RAPGEF2: variants seen among roughly 807,000 people sequenced by gnomAD.
RAPGEF2 encodes the protein PDZ domain containing guanine nucleotide exchange factor (GEF) 1.
In RAPGEF2, 54 loss-of-function variants were observed where a neutral mutation model predicts 186.7. The ratio of observed to expected loss-of-function variants is 0.29; its 90% CI spans 0.23 to 0.36. RAPGEF2 has a LOEUF of 0.36. RAPGEF2 is among the 10% of genes least tolerant of loss of function. The pLI, the probability that RAPGEF2 is intolerant of heterozygous loss-of-function variation, is 1.00. For synonymous variants in RAPGEF2, 712 were observed against 705.9 expected (o/e 1.01, Z -0.14); for missense variants, 1,532 against 2,045.0 (o/e 0.75, Z 4.84).
In RAPGEF2 at chr4:159,323,958, G is replaced by A. The variant is rs188542338; in HGVS notation, c.1149+341G>A. On this transcript the variant is annotated intron_variant, in intron 11 of 29. Coordinates refer to ENST00000691494, the MANE Select transcript of RAPGEF2 (RefSeq NM_001394067.2). ...GTCTCCCAGGCTGGAGTGCAGTGGC[G>A]CGATCTCAGCTAACTGCAACCTCCA... 7.0e-3 allele frequency among the ~76,000 whole-genome samples: 1,064 copies of A among 151,036 alleles called. 10 individuals are homozygous for A. Among genetic ancestry groups the A allele is most frequent in the African/African-American group, 0.024 (998 of 41,094 alleles).
chr4:159,114,428 T>C (rs903827794), intron 1 of RAPGEF2, among the ~76,000 whole-genome samples: 1 of 151,930 alleles, frequency 6.6e-6, no homozygotes, highest in Admixed American at 6.6e-5. Context: ...TTTAGATCTG[T>C]GTCTTGCTAT....
intron 6 of RAPGEF2, 42 bp downstream of exon 6, chr4:159,241,410 TTTG>T: frequency 1.6e-6 from 2 of 1,231,868 alleles, no homozygotes; most frequent in African/African-American, 1.5e-5. Context: ...TTTCTAGTTT[TTTG>T]TTGGGGTTTT....
chr4:159,195,561 T>G (rs953436916), intron 3 of RAPGEF2, among the ~76,000 whole-genome samples: 3 of 152,164 alleles, frequency 2.0e-5, no homozygotes, highest in Non-Finnish European at 4.4e-5. Flanking sequence ...AACTGAAGCT[T>G]TGAGACGATA....
intron 20 of RAPGEF2, 38 bp downstream of exon 20, chr4:159,341,985 TCA>T (rs1160948922): frequency 6.5e-7 from 1 of 1,529,158 alleles, no homozygotes; most frequent in African/African-American, 1.4e-5. Flanking sequence ...TCAGTTCAGT[TCA>T]CAGATTTAAA....
At chr4:159,296,366 T>C (rs1227942981) in intron 7 of RAPGEF2, among the ~76,000 whole-genome samples, 7 of 152,222 alleles carry the variant, frequency 4.6e-5, no homozygotes, top group African/African-American at 9.6e-5. Flanking sequence ...ACAATTAATA[T>C]TTTTCATGTG....
Position 159,222,919 on chromosome 4 carries a change from TA to T in RAPGEF2, c.281+12337del, listed in dbSNP as rs1269583123. ...GACACTTTTATTATGAGTTGAATTA[TA>T]TATATATATATATATTTGAAGACAA... is the stretch of plus-strand genomic sequence containing the variant. On this transcript the variant is annotated intron_variant, in intron 4 of 29. Transcript: ENST00000691494. Among the ~76,000 whole-genome samples, 338 of 84,050 alleles carry T rather than the reference TA, an allele frequency of 4.0e-3. 2 individuals are homozygous for T. Among genetic ancestry groups the T allele is most frequent in the African/African-American group, 0.02 (321 of 16,262 alleles). The allele number at this position is 84,050 out of a possible 152,430, so 55.1% of individuals were successfully genotyped here.
intron 1 of RAPGEF2, among the ~76,000 whole-genome samples, chr4:159,131,736 C>G (rs1463311729): frequency 6.6e-6 from 1 of 151,554 alleles, no homozygotes; most frequent in Admixed American, 6.6e-5. Context: ...GTTTTCTCAG[C>G]AGTCCTACAG....
chr4:159,119,556 A>G (rs941603663), intron 1 of RAPGEF2, among the ~76,000 whole-genome samples: 20 of 152,316 alleles, frequency 1.3e-4, no homozygotes, highest in African/African-American at 4.8e-4. Flanking sequence ...TTATGCAGTG[A>G]TTCTCAGGAG....
chr4:159,207,462 A>G (rs1270178015), intron 3 of RAPGEF2, among the ~76,000 whole-genome samples: 1 of 152,236 alleles, frequency 6.6e-6, no homozygotes, highest in Non-Finnish European at 1.5e-5. Flanking sequence ...ACATGAAATA[A>G]TTGAAAAGCC....
chr4:159,106,743 G>A (rs536840428), intron 1 of RAPGEF2, among the ~76,000 whole-genome samples: 11 of 152,264 alleles, frequency 7.2e-5, no homozygotes, highest in African/African-American at 1.7e-4. Context: ...TTAAAGGCTT[G>A]CTGGCCTCAT....
chr4:159,351,057 A>G (rs1421920116), intron 26 of RAPGEF2: 1 of 1,530,954 alleles, frequency 6.5e-7, no homozygotes, highest in African/African-American at 1.4e-5. Context: ...TCCTGTTGTT[A>G]GGTGGCAGTG....
intron 3 of RAPGEF2, among the ~76,000 whole-genome samples, chr4:159,206,847 G>A (rs924069206): frequency 3.9e-5 from 6 of 152,224 alleles, no homozygotes; most frequent in Non-Finnish European, 7.3e-5. Flanking sequence ...TATGGGGGAT[G>A]GATAGGAGGA....
At chr4:159,350,755 C>T (rs1731057697) in intron 26 of RAPGEF2, among the ~76,000 whole-genome samples, 1 of 152,112 alleles carries the variant, frequency 6.6e-6, no homozygotes, top group Non-Finnish European at 1.5e-5. Flanking sequence ...TACTCAGTCG[C>T]CTCCTTATGT....
chr4:159,109,470 T>A lies in RAPGEF2; in HGVS notation c.69+5239T>A, dbSNP rs190125737. Among the ~76,000 whole-genome samples the A allele has an allele frequency of 5.5e-3, 836 of 152,360 alleles. 8 individuals carry two copies. Among genetic ancestry groups the A allele is most frequent in the African/African-American group, 0.019 (805 of 41,584 alleles). On this transcript the variant is annotated intron_variant, in intron 1 of 29. Coordinates refer to ENST00000691494, the MANE Select transcript of RAPGEF2 (RefSeq NM_001394067.2). ...ACAATTTCCTCGTCGGTAAAATGGATAATAGCTGTCTGAGGTTTTGTGGAT... is the reference window on the plus strand; with the variant it reads ...ACAATTTCCTCGTCGGTAAAATGGAAAATAGCTGTCTGAGGTTTTGTGGAT...
chr4:159,251,572 A>G (rs915813392), intron 7 of RAPGEF2, among the ~76,000 whole-genome samples: 1 of 151,752 alleles, frequency 6.6e-6, no homozygotes, highest in Non-Finnish European at 1.5e-5. Flanking sequence ...ACCAATCAGC[A>G]CTCTGTCTAG....
At chr4:159,341,095 A>C (rs976637956) in intron 19 of RAPGEF2, among the ~76,000 whole-genome samples, 2 of 152,242 alleles carry the variant, frequency 1.3e-5, no homozygotes, top group East Asian at 1.9e-4. Context: ...TGAATAAATA[A>C]GTCAACCTGG....
chr4:159,332,568 A>G lies in RAPGEF2; in HGVS notation c.2006A>G (p.Asp669Gly), dbSNP rs772610411. Residue 669 changes from aspartate to glycine, a missense_variant, in exon 17 of 30, where the codon GAT becomes GGT. Coordinates refer to ENST00000691494, the MANE Select transcript of RAPGEF2 (RefSeq NM_001394067.2). ...TACTCCATTCCAGATCTTGCTGTAGATGTAGAACAGGTGATAGGACTTGAA... is the reference window on the plus strand; with the variant it reads ...TACTCCATTCCAGATCTTGCTGTAGGTGTAGAACAGGTGATAGGACTTGAA... ...SRYSIPDLAV[D>G]VEQVIGLEKV... The G allele has an allele frequency of 2.5e-6, 4 of 1,614,064 alleles. No homozygotes were observed. The highest frequency in any genetic ancestry group is 3.4e-6 in the Non-Finnish European group (4 of 1,180,036).
chr4:159,340,016 T>C (rs1729170694), intron 19 of RAPGEF2, among the ~76,000 whole-genome samples: 1 of 152,228 alleles, frequency 6.6e-6, no homozygotes, highest in Non-Finnish European at 1.5e-5. Context: ...TTTTCACTGT[T>C]AGGTATATGT....
At chr4:159,156,259 T>A (rs1744104976) in intron 1 of RAPGEF2, among the ~76,000 whole-genome samples, 1 of 152,228 alleles carries the variant, frequency 6.6e-6, no homozygotes, top group Non-Finnish European at 1.5e-5. Context: ...GTCATTCTAC[T>A]TAACATCCCA....
Sources: gnomAD v4.1 joint callset for allele counts (sites outside exome capture counted in the v4.1 genomes callset) on GRCh38, gnomAD v4.1.1 for gene constraint, MANE v1.5 for transcripts, NCBI Gene and HGNC (gene_info 2026-07-23, HGNC 2026-07-21) for gene names.